Variants in GMDS observed in about 807,000 individuals in gnomAD.
GMDS encodes GDP-mannose 4,6 dehydratase.
Under a neutral mutation model 49.9 loss-of-function variants are expected in GMDS, and 20 were observed. That is an observed-to-expected ratio of 0.40 (90% CI 0.28 to 0.58). The LOEUF is 0.58. Among genes scored for constraint, GMDS ranks in the 20% least tolerant of loss-of-function variants. The probability of loss-of-function intolerance (pLI) is 0.42; values close to 1 mark genes in which losing one functional copy is unlikely to be tolerated. For synonymous variants in GMDS, 177 were observed against 178.6 expected (o/e 0.99, Z 0.07); for missense variants, 362 against 481.4 (o/e 0.75, Z 2.32).
In GMDS at chr6:1,778,992, C is replaced by T. The variant is rs1472152264; in HGVS notation, c.772-36406G>A. Among the ~76,000 whole-genome samples, 8 of 152,148 alleles carry T rather than the reference C, an allele frequency of 5.3e-5. No individual in the cohort carries two copies. The highest frequency in any genetic ancestry group is 1.2e-4 in the Non-Finnish European group (8 of 68,026). On this transcript the variant is annotated intron_variant, in intron 7 of 10. Coordinates refer to ENST00000380815, the MANE Select transcript of GMDS (RefSeq NM_001500.4). This position sits in a 1 kb window ranked among gnomAD's most constrained non-coding sequence, Gnocchi z 4.6. The stretch of plus-strand genomic sequence containing the variant: ...CATCTCGCAGTGCTGGCGTGGCCTC[C>T]CATGCTGATCCCTGGACCAGTCCTG...
intron 7 of GMDS, among the ~76,000 whole-genome samples, chr6:1,874,317 T>C (rs1758922901): frequency 6.6e-6 from 1 of 152,170 alleles, no homozygotes; most frequent in African/African-American, 2.4e-5. Flanking sequence ...TAAGTTGTGG[T>C]TTACACTTTC....
chr6:1,863,228 C>T (rs1758277118), intron 7 of GMDS, among the ~76,000 whole-genome samples: 1 of 152,104 alleles, frequency 6.6e-6, no homozygotes, highest in South Asian at 2.1e-4. Flanking sequence ...GTTAAAATCA[C>T]CCATAACCAT....
intron 7 of GMDS, among the ~76,000 whole-genome samples, chr6:1,915,957 A>G (rs371437181): frequency 1.3e-5 from 2 of 152,200 alleles, no homozygotes; most frequent in East Asian, 3.8e-4. Context: ...GCTGTTCATA[A>G]AGAAAGGGCC....
intron 7 of GMDS, among the ~76,000 whole-genome samples, chr6:1,918,193 T>C (rs565059132): frequency 6.6e-5 from 10 of 152,052 alleles, no homozygotes; most frequent in Non-Finnish European, 1.5e-4. Context: ...TCCATAATAA[T>C]AGAGCCCTCC....
chr6:2,037,152 T>C (rs1334196174), intron 4 of GMDS, among the ~76,000 whole-genome samples: 1 of 152,156 alleles, frequency 6.6e-6, no homozygotes, highest in African/African-American at 2.4e-5. Flanking sequence ...TTCATACACT[T>C]GGAGCTCTCC....
chr6:2,190,009 C>T (rs899466381), intron 1 of GMDS, among the ~76,000 whole-genome samples: 4 of 152,196 alleles, frequency 2.6e-5, no homozygotes, highest in Non-Finnish European at 5.9e-5. Context: ...CTCCTGGCTC[C>T]AAGTCCTTTC....
chr6:1,630,800 G>A (rs975064309), intron 9 of GMDS, among the ~76,000 whole-genome samples: 2 of 152,122 alleles, frequency 1.3e-5, no homozygotes, highest in Non-Finnish European at 2.9e-5. Flanking sequence ...ATCAGCCTGG[G>A]GAAAGCTAGA....
chr6:1,737,486 T>G (rs1173307610), intron 8 of GMDS, among the ~76,000 whole-genome samples: 2 of 150,822 alleles, frequency 1.3e-5, no homozygotes, highest in Non-Finnish European at 3.0e-5. Context: ...TGCAATGTGC[T>G]CCACACACAC....
At chr6:1,785,200 G>A (rs1296276748) in intron 7 of GMDS, among the ~76,000 whole-genome samples, 2 of 152,094 alleles carry the variant, frequency 1.3e-5, no homozygotes, top group Admixed American at 6.5e-5. Flanking sequence ...TCTTTGTCTT[G>A]CTATAACAAA....
At chr6:2,178,703 T>G (rs1778392131) in intron 1 of GMDS, among the ~76,000 whole-genome samples, 1 of 152,208 alleles carries the variant, frequency 6.6e-6, no homozygotes, top group South Asian at 2.1e-4. Context: ...CACCTGTGTA[T>G]GTACTCCATG....
chr6:1,756,007 T>C (rs1314069369), intron 7 of GMDS, among the ~76,000 whole-genome samples: 2 of 152,176 alleles, frequency 1.3e-5, no homozygotes, highest in Non-Finnish European at 2.9e-5. Flanking sequence ...TTGCAATCTA[T>C]CCATCTGACA....
intron 1 of GMDS, among the ~76,000 whole-genome samples, chr6:2,141,786 C>T (rs1294941731): frequency 6.6e-6 from 1 of 152,008 alleles, no homozygotes; most frequent in Non-Finnish European, 1.5e-5. Context: ...GTGGCCCTGC[C>T]ATCTCCAAGG....
At chr6:1,721,284 T>C (rs1766377032) in intron 9 of GMDS, among the ~76,000 whole-genome samples, 1 of 152,174 alleles carries the variant, frequency 6.6e-6, no homozygotes, top group Non-Finnish European at 1.5e-5. Flanking sequence ...AACTAGCTTG[T>C]TGGACTTCTT....
chr6:2,209,776 C>G (rs234913), intron 1 of GMDS, among the ~76,000 whole-genome samples: 49,267 of 151,818 alleles, frequency 0.32, 8,716 homozygotes, highest in East Asian at 0.58. Flanking sequence ...AATCTATCTT[C>G]GGGGTTCTAA....
At chr6:2,149,694 G>T (rs760985879) in intron 1 of GMDS, among the ~76,000 whole-genome samples, 1 of 152,200 alleles carries the variant, frequency 6.6e-6, no homozygotes, top group Non-Finnish European at 1.5e-5. Flanking sequence ...TTTAAAAAGC[G>T]TTAGAATAAA....
chr6:1,966,641 T>C (rs1039809070), intron 4 of GMDS, among the ~76,000 whole-genome samples: 4 of 152,124 alleles, frequency 2.6e-5, no homozygotes, highest in Admixed American at 6.5e-5. Flanking sequence ...ATTCACCATC[T>C]GTCCAAATGG....
intron 4 of GMDS, among the ~76,000 whole-genome samples, chr6:1,989,845 T>C (rs937960682): frequency 6.6e-6 from 1 of 152,266 alleles, no homozygotes; most frequent in Non-Finnish European, 1.5e-5. Context: ...AGATACGCCC[T>C]TGGGGCCAGG....
chr6:1,712,947 G>T (rs1232690300), intron 9 of GMDS, among the ~76,000 whole-genome samples: 1 of 152,224 alleles, frequency 6.6e-6, no homozygotes, highest in East Asian at 1.9e-4. Context: ...AATGTCCGTG[G>T]ATGACCAGGG....
intron 1 of GMDS, among the ~76,000 whole-genome samples, chr6:2,170,538 G>T (rs935428386): frequency 1.3e-5 from 2 of 151,552 alleles, no homozygotes; most frequent in African/African-American, 4.9e-5. Context: ...GACGTGGGAG[G>T]ATCACTTGAG....
Sources: gnomAD v4.1 joint callset for allele counts (sites outside exome capture counted in the v4.1 genomes callset) on GRCh38, gnomAD v4.1.1 for gene constraint, Gnocchi (gnomAD v3.1) non-coding constraint, MANE v1.5 for transcripts, NCBI Gene and HGNC (gene_info 2026-07-23, HGNC 2026-07-21) for gene names.